The following FRMD4B variants were observed in gnomAD, a reference collection of about 807,000 sequenced individuals.
FRMD4B encodes the protein FERM domain-containing protein 4B.
A neutral mutation model predicts 141.5 loss-of-function variants in FRMD4B; 74 were observed. The observed-to-expected ratio is 0.52, with a 90% CI of 0.43 to 0.63. FRMD4B has a LOEUF of 0.63. Among genes scored for constraint, FRMD4B ranks in the 30% least tolerant of loss-of-function variants. The pLI is 0.00. For missense variants in FRMD4B, 1,366 were observed against 1,253.4 expected, an observed-to-expected ratio of 1.09 and a Z score of -1.36; for synonymous variants, 506 against 467.9, an observed-to-expected ratio of 1.08 and a Z score of -1.05.
chr3:69,364,810 A>G (rs1703590091), intron 1 of FRMD4B, among the ~76,000 whole-genome samples: 1 of 152,184 alleles, frequency 6.6e-6, no homozygotes, highest in Non-Finnish European at 1.5e-5. Context: ...TCTAAGACAA[A>G]AAAGAAAAAA....
intron 1 of FRMD4B, among the ~76,000 whole-genome samples, chr3:69,524,436 A>G (rs75837930): frequency 0.043 from 6,524 of 152,300 alleles, 395 homozygotes; most frequent in African/African-American, 0.13. Context: ...CAAATTAACT[A>G]AAGCTGTCAT....
intron 1 of FRMD4B, among the ~76,000 whole-genome samples, chr3:69,496,685 G>A (rs1253365748): frequency 6.7e-6 from 1 of 149,300 alleles, no homozygotes; most frequent in East Asian, 2.0e-4. Context: ...GAGACAGGGA[G>A]ATTAGGTCCT....
intron 3 of FRMD4B, among the ~76,000 whole-genome samples, chr3:69,308,552 C>A (rs566089819): frequency 6.6e-6 from 1 of 151,980 alleles, no homozygotes; most frequent in Non-Finnish European, 1.5e-5. Flanking sequence ...ATCCTCCCAC[C>A]TAAGCCTCCC....
At chr3:69,434,324 T>G (rs1018567436) in intron 1 of FRMD4B, among the ~76,000 whole-genome samples, 1 of 152,218 alleles carries the variant, frequency 6.6e-6, no homozygotes, top group South Asian at 2.1e-4. Flanking sequence ...GCACATCACT[T>G]GTATTCTGCT....
At chr3:69,205,059 C>CAAAAAAAAAAAAAAAAAAAAAAAAA (rs33955997) in intron 11 of FRMD4B, among the ~76,000 whole-genome samples, 2 of 124,462 alleles carry the variant, frequency 1.6e-5, no homozygotes, top group African/African-American at 6.4e-5. Context: ...ATGTTTTTAA[C>CAAAAAAAAAAAAAAAAAAAAAAAAA]AAAAAAAAAA....
chr3:69,249,177 A>T, intron 7 of FRMD4B, 49 bp downstream of exon 7: 2 of 1,177,678 alleles, frequency 1.7e-6, no homozygotes, highest in South Asian at 1.3e-5. Context: ...ACATAAAATG[A>T]TTCTTTAGGG....
chr3:69,535,756 A>G lies in FRMD4B; in HGVS notation c.-129+6450T>C. On this transcript the variant is annotated intron_variant, in intron 1 of 5. Transcript: ENST00000459638. ...CTTGGGGGTCTCTGTCTTCCTAGACAGGTGTGCAGGCACCACCTTGGACCC... is the reference window on the plus strand; with the variant it reads ...CTTGGGGGTCTCTGTCTTCCTAGACGGGTGTGCAGGCACCACCTTGGACCC... 2 of 460,522 alleles carry G rather than the reference A, an allele frequency of 4.3e-6. 1 individual carries two copies. Among genetic ancestry groups the G allele is most frequent in the South Asian group, 3.2e-5 (2 of 63,138 alleles). 28.5% of individuals were successfully genotyped at this position (460,522 alleles called of 1,614,324 possible).
chr3:69,516,391 G>C (rs1193265814), intron 1 of FRMD4B, among the ~76,000 whole-genome samples: 1 of 152,156 alleles, frequency 6.6e-6, no homozygotes, highest in Admixed American at 6.6e-5. Context: ...CCTAATAAGA[G>C]AAAGGAGGAA....
intron 7 of FRMD4B, among the ~76,000 whole-genome samples, chr3:69,245,460 T>G (rs144926837): frequency 0.023 from 3,442 of 151,856 alleles, 122 homozygotes; most frequent in African/African-American, 0.079. Context: ...GATTCTTGTG[T>G]CTCAGCCTCC....
At chr3:69,385,612 C>T (rs1347254304) in intron 1 of FRMD4B, among the ~76,000 whole-genome samples, 3 of 152,204 alleles carry the variant, frequency 2.0e-5, no homozygotes, top group Admixed American at 2.0e-4. Context: ...AACGCTGGGA[C>T]TATCTCGCAA....
rs145299738 is a variant in FRMD4B, at chr3:69,264,475, T to C, written c.502-14376A>G. On this transcript the variant is annotated intron_variant, in intron 5 of 22. Transcript: ENST00000398540. ...CTTGTGTTTCGTGATTCACTATAGA[T>C]TTGATTTGCCCTGATTTTCAGCTCA... Among the ~76,000 whole-genome samples the C allele has an allele frequency of 9.2e-3, 1,405 of 152,284 alleles. 29 individuals are homozygous for C. The highest frequency in any genetic ancestry group is 0.032 in the African/African-American group (1,338 of 41,556).
At chr3:69,374,957 C>T (rs1333522577) in intron 1 of FRMD4B, among the ~76,000 whole-genome samples, 1 of 152,106 alleles carries the variant, frequency 6.6e-6, no homozygotes. Context: ...GATAATTTGC[C>T]AGACATCCAT....
chr3:69,359,090 A>G (rs1314464603), intron 1 of FRMD4B, among the ~76,000 whole-genome samples: 1 of 152,224 alleles, frequency 6.6e-6, no homozygotes, highest in Non-Finnish European at 1.5e-5. Context: ...TCTGCTGGGC[A>G]TGGTGCTAAG....
At chr3:69,456,067 C>T (rs756713225) in intron 1 of FRMD4B, among the ~76,000 whole-genome samples, 5 of 152,106 alleles carry the variant, frequency 3.3e-5, no homozygotes, top group Admixed American at 2.0e-4. Flanking sequence ...TAACTGGTGC[C>T]GAGTATCTCT....
At chr3:69,301,682 T>C (rs75240687) in intron 4 of FRMD4B, among the ~76,000 whole-genome samples, 2,376 of 152,286 alleles carry the variant, frequency 0.016, 68 homozygotes, top group African/African-American at 0.054. Flanking sequence ...CTAAAAAAAA[T>C]AGTTCTATCA....
At chr3:69,178,276 G>C (rs1271615428) in intron 21 of FRMD4B, among the ~76,000 whole-genome samples, 29 of 152,156 alleles carry the variant, frequency 1.9e-4, no homozygotes, top group Admixed American at 1.8e-3. Flanking sequence ...ACTCATCTGT[G>C]GCCCTGGATG....
intron 1 of FRMD4B, among the ~76,000 whole-genome samples, chr3:69,343,342 T>TCATGCTAACACTCCACTCTCGA (rs1702805531): frequency 6.6e-6 from 1 of 152,150 alleles, no homozygotes; most frequent in Non-Finnish European, 1.5e-5. Context: ...ATGCAAAGCC[T>TCATGCTAACACTCCACTCTCGA]CATGCTAACA....
chr3:69,308,985 T>C (rs1413378198), intron 3 of FRMD4B, among the ~76,000 whole-genome samples: 1 of 152,222 alleles, frequency 6.6e-6, no homozygotes, highest in African/African-American at 2.4e-5. Flanking sequence ...CTTTGATTTA[T>C]CTGTTTGTTT....
intron 1 of FRMD4B, among the ~76,000 whole-genome samples, chr3:69,464,064 G>A (rs373118876): frequency 7.9e-5 from 12 of 152,124 alleles, no homozygotes; most frequent in East Asian, 1.9e-4. Flanking sequence ...TACTTAACTC[G>A]TACCCATTCA....
Sources: allele counts gnomAD v4.1 joint callset (sites outside exome capture counted in the v4.1 genomes callset), GRCh38; gene constraint gnomAD v4.1.1; transcripts MANE v1.5; gene names NCBI Gene and HGNC (gene_info 2026-07-23, HGNC 2026-07-21).